SYNE2: variants seen among roughly 807,000 people sequenced by gnomAD.
The protein encoded by SYNE2 is nesprin-2.
SYNE2 carries 431 observed loss-of-function variants against 856.3 expected under a neutral mutation model. The observed-to-expected ratio is 0.50, with a 90% CI of 0.47 to 0.55. SYNE2 has a LOEUF of 0.55. Ranked by LOEUF, SYNE2 falls within the 20% of genes least tolerant of loss-of-function variation. SYNE2 has a pLI of 0.00. For missense variants in SYNE2, 8,129 were observed against 8,023.2 expected, an observed-to-expected ratio of 1.01 and a Z score of -0.50; for synonymous variants, 2,923 against 2,872.3, an observed-to-expected ratio of 1.02 and a Z score of -0.56.
intron 1 of SYNE2, among the ~76,000 whole-genome samples, chr14:63,788,668 C>T (rs1179454574): frequency 6.6e-6 from 1 of 152,222 alleles, no homozygotes; most frequent in Non-Finnish European, 1.5e-5. Flanking sequence ...CTGCCTGTCC[C>T]GGCGTCCCGC....
At chr14:64,138,946 GGTGTGTGTGTGTGTGT>G (rs150016027) in intron 79 of SYNE2, among the ~76,000 whole-genome samples, 2 of 137,786 alleles carry the variant, frequency 1.5e-5, no homozygotes, top group Admixed American at 7.3e-5. Flanking sequence ...GTGTATGTAT[GGTGTGTGTGTGTGTGT>G]GTGTGTGTGT....
At chr14:64,134,614 C>T (rs538029997) in intron 78 of SYNE2, among the ~76,000 whole-genome samples, 2 of 152,244 alleles carry the variant, frequency 1.3e-5, no homozygotes, top group South Asian at 2.1e-4. Flanking sequence ...TCGTTTTATT[C>T]CTACAGTGAA....
intron 99 of SYNE2, chr14:64,190,905 C>T: frequency 2.9e-6 from 2 of 697,654 alleles, no homozygotes; most frequent in African/African-American, 1.7e-5. Flanking sequence ...CTTCAAATTC[C>T]CTCTCTAAAG....
chr14:64,171,629 A>C (rs1366893156), intron 94 of SYNE2, among the ~76,000 whole-genome samples: 2 of 152,206 alleles, frequency 1.3e-5, no homozygotes, highest in Admixed American at 6.5e-5. Context: ...GCTTACTCCA[A>C]GTCCCCAAGA....
chr14:64,002,213 T>C (rs2096760774), intron 29 of SYNE2, 132 bp downstream of exon 29: 1 of 799,990 alleles, frequency 1.3e-6, no homozygotes. Flanking sequence ...TTTTTTTCAG[T>C]AATTTAGACT....
In SYNE2 at chr14:64,019,380, C is replaced by T. The variant is rs555040236; in HGVS notation, c.5050-612C>T. Reference sequence around the variant, plus strand: ...AAATGTATGCTAATGCCTCAGATCTCGTTTTGTCTCTAACTATTTTATTTA... The same window carrying T: ...AAATGTATGCTAATGCCTCAGATCTTGTTTTGTCTCTAACTATTTTATTTA... On this transcript the variant is annotated intron_variant, in intron 34 of 115. Coordinates refer to ENST00000555002, the MANE Select transcript of SYNE2 (RefSeq NM_182914.3). Among the ~76,000 whole-genome samples the T allele has an allele frequency of 2.3e-4, 35 of 152,130 alleles. 2 individuals carry two copies. Among genetic ancestry groups the T allele is most frequent in the African/African-American group, 7.9e-4 (33 of 41,516 alleles).
chr14:64,195,310 C>T (rs2098536179), intron 99 of SYNE2, among the ~76,000 whole-genome samples: 1 of 152,082 alleles, frequency 6.6e-6, no homozygotes. Context: ...TCTAAATGTT[C>T]ATTATGGAAG....
intron 2 of SYNE2, among the ~76,000 whole-genome samples, chr14:63,924,012 G>A (rs1017186211): frequency 1.3e-5 from 2 of 151,808 alleles, no homozygotes; most frequent in Admixed American, 1.3e-4. Flanking sequence ...TCACCATGTT[G>A]TCCAGGCTGG....
chr14:64,099,708 C>T (rs770811711), intron 63 of SYNE2: 1 of 151,728 alleles, frequency 6.6e-6, no homozygotes, highest in East Asian at 1.9e-4. Context: ...TTGACAGCAA[C>T]AAAAAAGTAC....
chr14:64,171,104 T>A (rs2098408363), intron 94 of SYNE2, among the ~76,000 whole-genome samples: 1 of 151,902 alleles, frequency 6.6e-6, no homozygotes, highest in East Asian at 1.9e-4. Context: ...TTAAAAAAAA[T>A]AAAAATAAAG....
Position 64,164,293 on chromosome 14 carries a change from G to A in SYNE2, c.16479+712G>A, listed in dbSNP as rs369438578. The stretch of plus-strand genomic sequence containing the variant: ...CCTGGCTAATTTTTTTGTATTTTTA[G>A]TAGAGACAGGGTTTCACCATGTTAG... On this transcript the variant is annotated intron_variant, in intron 89 of 115. Transcript: ENST00000555002. 6.8e-4 allele frequency among the ~76,000 whole-genome samples: 104 copies of A among 152,090 alleles called. 1 individual carries two copies. Among genetic ancestry groups the A allele is most frequent in the African/African-American group, 2.4e-3 (100 of 41,482 alleles).
At chr14:63,889,541 T>C (rs2095078602) in intron 1 of SYNE2, among the ~76,000 whole-genome samples, 1 of 152,170 alleles carries the variant, frequency 6.6e-6, no homozygotes, top group Non-Finnish European at 1.5e-5. Flanking sequence ...AGTGGCACAA[T>C]CGTAGCTCAC....
chr14:64,009,335 C>T (rs1379888040), intron 31 of SYNE2, among the ~76,000 whole-genome samples: 1 of 151,880 alleles, frequency 6.6e-6, no homozygotes, highest in African/African-American at 2.4e-5. Flanking sequence ...CAGGAGTTCA[C>T]GACCAGCCCG....
In SYNE2 at chr14:64,203,269, A is replaced by G. The variant is rs1391887473; in HGVS notation, c.18201+306A>G. ...AACTGATCTTTGTTGTGTTTTGTTA[A>G]TATAGTTTTGAAAGGCAATGAATTG... On this transcript the variant is annotated intron_variant, in intron 100 of 115. Coordinates refer to ENST00000555002, the MANE Select transcript of SYNE2 (RefSeq NM_182914.3). Among the ~76,000 whole-genome samples the G allele has an allele frequency of 2.6e-5, 4 of 152,186 alleles. No homozygotes were observed. The East Asian group carries it at 5.8e-4, about 22-fold the overall frequency.
At chr14:63,994,104 C>A in intron 22 of SYNE2, 135 bp downstream of exon 22, 1 of 868,992 alleles carries the variant, frequency 1.2e-6, no homozygotes, top group Non-Finnish European at 1.8e-6. Flanking sequence ...GCTGAAGTCC[C>A]AGGGTTCATA....
chr14:63,906,066 G>C (rs909026455), intron 1 of SYNE2, among the ~76,000 whole-genome samples: 4 of 152,012 alleles, frequency 2.6e-5, no homozygotes, highest in Non-Finnish European at 5.9e-5. Context: ...GATGACATAT[G>C]GTTTTTGCTT....
chr14:63,995,010 C>T (rs1223979178), intron 22 of SYNE2, 34 bp from the exon 23 acceptor site: 3 of 1,374,834 alleles, frequency 2.2e-6, no homozygotes, highest in African/African-American at 1.5e-5. Flanking sequence ...ATTTTGTTCT[C>T]ATGGTTAATA....
At chr14:63,972,778 G>A (rs989534452) in intron 11 of SYNE2, among the ~76,000 whole-genome samples, 2 of 152,132 alleles carry the variant, frequency 1.3e-5, no homozygotes, top group African/African-American at 4.8e-5. Context: ...GAAAAAACAG[G>A]TTTGGTTTAA....
At chr14:64,199,992 C>G (rs983105803) in intron 99 of SYNE2, among the ~76,000 whole-genome samples, 2 of 151,944 alleles carry the variant, frequency 1.3e-5, no homozygotes, top group African/African-American at 2.4e-5. Flanking sequence ...CTCCATACCC[C>G]CTCTGCGTGT....
Sources: allele counts gnomAD v4.1 joint callset (sites outside exome capture counted in the v4.1 genomes callset), GRCh38; gene constraint gnomAD v4.1.1; transcripts MANE v1.5; gene names NCBI Gene and HGNC (gene_info 2026-07-23, HGNC 2026-07-21).